GLG1: variants seen among roughly 807,000 people sequenced by gnomAD.
GLG1 encodes the protein golgi glycoprotein 1, also known as Golgi apparatus protein 1.
GLG1 carries 38 observed loss-of-function variants against 160.5 expected under a neutral mutation model. The observed-to-expected ratio is 0.24, with a 90% confidence interval of 0.18 to 0.31. GLG1 has a LOEUF of 0.31. GLG1 is among the 10% of genes least tolerant of loss of function. GLG1 has a pLI of 1.00. For missense variants in GLG1, 1,373 were observed against 1,505.2 expected, an observed-to-expected ratio of 0.91 and a Z score of 1.45; for synonymous variants, 644 against 543.4, an observed-to-expected ratio of 1.19 and a Z score of -2.57.
At chr16:74,537,889 TAGGAGGA>T (rs1024871701) in intron 1 of GLG1, among the ~76,000 whole-genome samples, 5 of 151,920 alleles carry the variant, frequency 3.3e-5, no homozygotes, top group African/African-American at 1.2e-4. Flanking sequence ...CGCATTCACT[TAGGAGGA>T]AGGTTTTTAC....
chr16:74,554,955 G>A (rs1168387800), intron 1 of GLG1, among the ~76,000 whole-genome samples: 1 of 152,154 alleles, frequency 6.6e-6, no homozygotes, highest in Non-Finnish European at 1.5e-5. Flanking sequence ...GTTTGAGGCT[G>A]CAATGAGCTA....
chr16:74,503,789 T>C lies in GLG1; in HGVS notation c.559-43A>G, dbSNP rs373442357. 49 of 1,221,794 alleles carry C rather than the reference T, an allele frequency of 4.0e-5. No homozygotes were observed. In the African/African-American group the frequency reaches 6.2e-4, roughly 16 times the overall value. The allele number at this position is 1,221,794 out of a possible 1,614,324, so 75.7% of individuals were successfully genotyped here. A position where few individuals can be genotyped will look rare whatever the true frequency, so the allele number is the denominator to read the frequency against. ...GCTGTTTTACAAAAGTGTTCCATGC[T>C]CGTATCAAACAATATTTATCAAAGA... On this transcript the variant is annotated intron_variant, in intron 3 of 25. Coordinates refer to ENST00000422840, the MANE Select transcript of GLG1 (RefSeq NM_001145667.2).
At chr16:74,564,952 A>G (rs1390256901) in intron 1 of GLG1, among the ~76,000 whole-genome samples, 1 of 152,184 alleles carries the variant, frequency 6.6e-6, no homozygotes, top group Non-Finnish European at 1.5e-5. Flanking sequence ...ACCTTGCAAA[A>G]GCCAGTTTTG....
intron 20 of GLG1, 151 bp downstream of exon 20, chr16:74,463,205 C>T: frequency 1.4e-6 from 1 of 700,324 alleles, no homozygotes; most frequent in Admixed American, 3.0e-5. Context: ...TCTGGATGCT[C>T]CTCAAAGGAG....
chr16:74,477,712 G>C (rs918969877), intron 11 of GLG1, among the ~76,000 whole-genome samples, 179 bp from the exon 12 acceptor site: 2 of 152,096 alleles, frequency 1.3e-5, no homozygotes, highest in Admixed American at 1.3e-4. Flanking sequence ...GGTGGCTCAC[G>C]CATGTAATCC....
chr16:74,588,754 T>C (rs1032775699), intron 1 of GLG1, among the ~76,000 whole-genome samples: 12 of 152,196 alleles, frequency 7.9e-5, no homozygotes, highest in African/African-American at 2.9e-4. Context: ...CAAATAAAAA[T>C]CTATCTGATT....
chr16:74,486,007 A>G (rs1308823131), intron 8 of GLG1, 90 bp from the exon 9 acceptor site: 10 of 949,266 alleles, frequency 1.1e-5, no homozygotes, highest in Non-Finnish European at 1.1e-5. Context: ...GCTCAGTCCT[A>G]TTTACCACAA....
chr16:74,462,751 T>G, intron 20 of GLG1, 121 bp from the exon 21 acceptor site: 1 of 889,540 alleles, frequency 1.1e-6, no homozygotes, highest in Admixed American at 2.1e-5. Flanking sequence ...CATGGATTTA[T>G]CTATTCAATA....
chr16:74,574,623 C>T (rs922598041), intron 1 of GLG1, among the ~76,000 whole-genome samples: 2 of 151,924 alleles, frequency 1.3e-5, no homozygotes, highest in African/African-American at 2.4e-5. Flanking sequence ...TGGCTCACGC[C>T]TGTAACCCCA....
At chr16:74,578,480 A>C (rs1957864981) in intron 1 of GLG1, among the ~76,000 whole-genome samples, 1 of 152,240 alleles carries the variant, frequency 6.6e-6, no homozygotes, top group Admixed American at 6.5e-5. Flanking sequence ...TTTTTTTAAA[A>C]AAATCAAGAG....
Position 74,503,704 on chromosome 16 carries a change from C to G in GLG1, c.601G>C (p.Val201Leu), listed in dbSNP as rs1315269084. ...ADEPVGKGYM[V>L]SCLVDHRGNI... ...CCTCGGTGATCCACCAAGCAGGAAA[C>G]CATGTAACCTTTTCCAACCGGTTCA... is the stretch of plus-strand genomic sequence containing the variant. The change falls in exon 4 of 26, where the codon GTT (valine) becomes CTT (leucine). Residue 201 changes from valine (V) to leucine (L), a missense_variant. Val to Leu is a conservative substitution (Grantham distance 32). Coordinates refer to ENST00000422840, the MANE Select transcript of GLG1 (RefSeq NM_001145667.2). 1.2e-6 allele frequency: 2 copies of G among 1,613,354 alleles called. No homozygotes were observed. Among genetic ancestry groups the G allele is most frequent in the Non-Finnish European group, 1.7e-6 (2 of 1,179,362 alleles).
intron 1 of GLG1, among the ~76,000 whole-genome samples, chr16:74,565,315 C>G (rs1298165056): frequency 6.6e-6 from 1 of 152,060 alleles, no homozygotes; most frequent in Non-Finnish European, 1.5e-5. Context: ...GGCAACAGAG[C>G]CACTCCATCT....
Position 74,480,278 on chromosome 16 carries a change from T to C in GLG1, c.1790A>G (p.Tyr597Cys). Residue 597 changes from tyrosine to cysteine, a missense_variant, in exon 11 of 26, where the codon TAC becomes TGC. Transcript: ENST00000422840. The stretch of plus-strand genomic sequence containing the variant: ...TTCCTCAGTGCGGTAGGCGTGTCTG[T>C]ATAAACAAGAGAACACAGCTCCCTG... ...MPQGAVFSCL[Y>C]RHAYRTEEQG... 1.9e-6 allele frequency: 3 copies of C among 1,613,154 alleles called. No individual in the cohort carries two copies. Among genetic ancestry groups the C allele is most frequent in the Non-Finnish European group, 2.5e-6 (3 of 1,179,046 alleles).
intron 22 of GLG1, among the ~76,000 whole-genome samples, chr16:74,460,292 T>TTACAGGGCA (rs2014737972): frequency 6.6e-6 from 1 of 152,184 alleles, no homozygotes; most frequent in Non-Finnish European, 1.5e-5. Flanking sequence ...AGGGCTGGGA[T>TTACAGGGCA]TACAGGGCAT....
intron 1 of GLG1, among the ~76,000 whole-genome samples, chr16:74,534,492 C>A (rs2017633290): frequency 6.6e-6 from 1 of 152,150 alleles, no homozygotes; most frequent in African/African-American, 2.4e-5. Flanking sequence ...AAGGTGCATT[C>A]TTGAAAGAAA....
At chr16:74,467,408 C>T (rs1433035136) in intron 18 of GLG1, among the ~76,000 whole-genome samples, 2 of 152,132 alleles carry the variant, frequency 1.3e-5, no homozygotes, top group African/African-American at 4.8e-5. Context: ...AATGGGAACA[C>T]AGTGAAGTAA....
chr16:74,589,899 T>C (rs371369076), intron 1 of GLG1, among the ~76,000 whole-genome samples: 42 of 152,242 alleles, frequency 2.8e-4, no homozygotes, highest in African/African-American at 9.9e-4. Flanking sequence ...ATCCAGCCAA[T>C]GCACTCCAGC....
At chr16:74,605,078 C>T (rs745788341) in intron 1 of GLG1, among the ~76,000 whole-genome samples, 1 of 152,128 alleles carries the variant, frequency 6.6e-6, no homozygotes, top group East Asian at 1.9e-4. Context: ...AATAACTCCA[C>T]CTCCTGAAGA....
intron 2 of GLG1, among the ~76,000 whole-genome samples, chr16:74,529,915 G>A (rs1054247400): frequency 7.7e-5 from 11 of 143,012 alleles, no homozygotes; most frequent in East Asian, 2.3e-4. Context: ...CGGTTCAAGC[G>A]ATTTTCCTGT....
Sources: allele counts gnomAD v4.1 joint callset (sites outside exome capture counted in the v4.1 genomes callset), GRCh38; gene constraint gnomAD v4.1.1; transcripts MANE v1.5; gene names NCBI Gene and HGNC (gene_info 2026-07-23, HGNC 2026-07-21).